STAC: variants seen among roughly 807,000 people sequenced by gnomAD.
The protein encoded by STAC is SH3 and cysteine-rich domain-containing protein.
A neutral mutation model predicts 48.8 loss-of-function variants in STAC; 43 were observed. The ratio of observed to expected loss-of-function variants is 0.88; its 90% CI spans 0.69 to 1.14. STAC has a LOEUF of 1.14. Ranked by LOEUF, STAC falls within the 50% of genes most tolerant of loss-of-function variation. STAC has a pLI of 0.00. For synonymous variants in STAC, 193 were observed against 179.5 expected (o/e 1.07, Z -0.60); for missense variants, 497 against 504.0 (o/e 0.99, Z 0.13).
At chr3:36,414,170 A>G (rs998741740) in intron 1 of STAC, among the ~76,000 whole-genome samples, 25 of 152,110 alleles carry the variant, frequency 1.6e-4, no homozygotes, top group African/African-American at 5.3e-4. Flanking sequence ...TTCTCTTCTC[A>G]AGGAGTATCT....
chr3:36,451,626 T>A (rs1696683935), intron 2 of STAC, among the ~76,000 whole-genome samples: 1 of 152,214 alleles, frequency 6.6e-6, no homozygotes. Flanking sequence ...TCCTTTTCAT[T>A]GATACATAAT....
At chr3:36,458,063 A>T (rs1249169274) in intron 2 of STAC, among the ~76,000 whole-genome samples, 1 of 152,188 alleles carries the variant, frequency 6.6e-6, no homozygotes, top group Non-Finnish European at 1.5e-5. Flanking sequence ...TAGAGCAAGG[A>T]GTGGGGAACA....
At chr3:36,502,835 C>T (rs762718913) in intron 6 of STAC, among the ~76,000 whole-genome samples, 3 of 152,228 alleles carry the variant, frequency 2.0e-5, no homozygotes, top group Admixed American at 6.5e-5. Flanking sequence ...TTCATAGAAC[C>T]GGGCCTTCGT....
At chr3:36,490,335 C>T (rs1305960880) in intron 5 of STAC, among the ~76,000 whole-genome samples, 2 of 152,340 alleles carry the variant, frequency 1.3e-5, no homozygotes, top group Non-Finnish European at 2.9e-5. Context: ...AGCTCACTCT[C>T]AGCTTGCAAC....
intron 8 of STAC, among the ~76,000 whole-genome samples, chr3:36,520,479 T>A (rs1308123637): frequency 1.3e-5 from 2 of 152,194 alleles, no homozygotes; most frequent in African/African-American, 2.4e-5. Flanking sequence ...GACCTGTGAC[T>A]TGTGTACATT....
In STAC at chr3:36,473,138, A is replaced by C. The variant is rs545945806; in HGVS notation, c.389-9854A>C. On this transcript the variant is annotated intron_variant, in intron 2 of 10. Transcript: ENST00000273183. ...AAATGAGGAGGAAGCCAAAGCAGAA[A>C]CCCCTGATAAACCCATCAGATCTCA... is the stretch of plus-strand genomic sequence containing the variant. Among the ~76,000 whole-genome samples, 5 of 152,266 alleles carry C rather than the reference A, an allele frequency of 3.3e-5. No individual in the cohort carries two copies. In the East Asian group the frequency reaches 9.6e-4, roughly 29 times the overall value.
intron 2 of STAC, among the ~76,000 whole-genome samples, chr3:36,457,144 CT>C (rs1311712595): frequency 6.6e-6 from 1 of 152,138 alleles, no homozygotes; most frequent in African/African-American, 2.4e-5. Flanking sequence ...TTCAGTGCCC[CT>C]AACAGTCATC....
chr3:36,400,463 T>C (rs928748082), intron 1 of STAC, among the ~76,000 whole-genome samples: 1 of 152,186 alleles, frequency 6.6e-6, no homozygotes, highest in Non-Finnish European at 1.5e-5. Context: ...CTTGAATTAT[T>C]CTCGCAATAA....
At chr3:36,422,988 C>G (rs1310875133) in intron 1 of STAC, among the ~76,000 whole-genome samples, 2 of 152,062 alleles carry the variant, frequency 1.3e-5, no homozygotes, top group African/African-American at 4.8e-5. Context: ...TTATTCCTCT[C>G]TCACATAGGT....
chr3:36,458,627 A>G lies in STAC; in HGVS notation c.388+14987A>G, dbSNP rs141305046. ...AAATCACTTTGCTTCTCTGAGCCCTAGTTTATCGGTAAAATGAGAGGGTTG... is the reference window on the plus strand; with the variant it reads ...AAATCACTTTGCTTCTCTGAGCCCTGGTTTATCGGTAAAATGAGAGGGTTG... On this transcript the variant is annotated intron_variant, in intron 2 of 10. Coordinates refer to ENST00000273183, the MANE Select transcript of STAC (RefSeq NM_003149.3). Among the ~76,000 whole-genome samples, 23 of 152,292 alleles carry G rather than the reference A, an allele frequency of 1.5e-4. No homozygotes were observed. The East Asian group carries it at 4.4e-3, about 29-fold the overall frequency.
chr3:36,398,460 GA>G lies in STAC; in HGVS notation c.111+17708del, dbSNP rs1559477184. Among the ~76,000 whole-genome samples the G allele has an allele frequency of 5.8e-5, 7 of 121,204 alleles. No individual in the cohort carries two copies. In the East Asian group the frequency reaches 9.0e-4, roughly 16 times the overall value. The allele number at this position is 121,204 out of a possible 152,430, so 79.5% of individuals were successfully genotyped here. On this transcript the variant is annotated intron_variant, in intron 1 of 10. Coordinates refer to ENST00000273183, the MANE Select transcript of STAC (RefSeq NM_003149.3). ...GGAAGGAAGGAAGGAAGGAAGGAAG[GA>G]AGGAAGGAAGGAAGGAGGGAAGGAA...
chr3:36,524,413 G>A lies in STAC; in HGVS notation c.921-4283G>A, dbSNP rs555968158. On this transcript the variant is annotated intron_variant, in intron 8 of 10. Coordinates refer to ENST00000273183, the MANE Select transcript of STAC (RefSeq NM_003149.3). ...TCGAGACCAGCCTGGCCAACGTGGTGAAACCCTGTCTCTACTAAAAATACA... is the reference window on the plus strand; with the variant it reads ...TCGAGACCAGCCTGGCCAACGTGGTAAAACCCTGTCTCTACTAAAAATACA... Among the ~76,000 whole-genome samples, 5 of 152,170 alleles carry A rather than the reference G, an allele frequency of 3.3e-5. No individual in the cohort carries two copies. The East Asian group carries it at 9.7e-4, about 29-fold the overall frequency.
chr3:36,521,287 TGGGTGGTGCAA>T (rs1698799319), intron 8 of STAC, among the ~76,000 whole-genome samples: 1 of 152,122 alleles, frequency 6.6e-6, no homozygotes, highest in Admixed American at 6.6e-5. Flanking sequence ...TGACACGGCA[TGGGTGGTGCAA>T]GAGGCAGCTT....
chr3:36,518,792 T>C (rs1198726485), intron 8 of STAC, among the ~76,000 whole-genome samples: 1 of 152,232 alleles, frequency 6.6e-6, no homozygotes, highest in Admixed American at 6.5e-5. Context: ...ATGTGAACTC[T>C]TGTATGCTAT....
At chr3:36,470,721 C>G (rs573224999) in intron 2 of STAC, among the ~76,000 whole-genome samples, 1 of 152,352 alleles carries the variant, frequency 6.6e-6, no homozygotes, top group African/African-American at 2.4e-5. Context: ...GCACAAGCTG[C>G]TGTCTCCCCA....
At chr3:36,508,744 G>A (rs958390272) in intron 8 of STAC, among the ~76,000 whole-genome samples, 8 of 151,934 alleles carry the variant, frequency 5.3e-5, no homozygotes, top group African/African-American at 1.9e-4. Flanking sequence ...TGCAACTCCT[G>A]CTTTTTTTTC....
intron 1 of STAC, among the ~76,000 whole-genome samples, chr3:36,435,077 G>A (rs1378695048): frequency 6.6e-6 from 1 of 152,110 alleles, no homozygotes; most frequent in Non-Finnish European, 1.5e-5. Context: ...TGGGCAAGTT[G>A]CCATTTTTCT....
intron 1 of STAC, among the ~76,000 whole-genome samples, chr3:36,429,628 T>C (rs147530524): frequency 1.1e-4 from 16 of 152,340 alleles, no homozygotes; most frequent in African/African-American, 3.6e-4. Flanking sequence ...TCTTCGGTAT[T>C]GCCTGGCCAC....
chr3:36,380,570 G>A lies in STAC; in HGVS notation c.-74G>A, dbSNP rs1699484097. The A allele has an allele frequency of 4.8e-6, 6 of 1,243,570 alleles. No individual in the cohort carries two copies. The highest frequency in any genetic ancestry group is 1.3e-5 in the South Asian group (1 of 77,348). 77.0% of individuals were successfully genotyped at this position (1,243,570 alleles called of 1,614,324 possible). A position where few individuals can be genotyped will look rare whatever the true frequency, so the allele number is the denominator to read the frequency against. ...GACCCGGAGCTGAGCAGCCTGGCGC[G>A]CGGCGGGCAGGGCGCGCAGGACAGA... On this transcript the variant is annotated 5_prime_UTR_variant, in exon 1 of 11. Transcript: ENST00000273183.
Sources: gnomAD v4.1 joint callset for allele counts (sites outside exome capture counted in the v4.1 genomes callset) on GRCh38, gnomAD v4.1.1 for gene constraint, MANE v1.5 for transcripts, NCBI Gene and HGNC (gene_info 2026-07-23, HGNC 2026-07-21) for gene names.